Variants in DLGAP1 observed in about 807,000 individuals in gnomAD.
DLGAP1 encodes DLG associated protein 1.
A neutral mutation model predicts 90.8 loss-of-function variants in DLGAP1; 11 were observed. The ratio of observed to expected loss-of-function variants is 0.12; its 90% CI spans 0.08 to 0.20. DLGAP1 has a LOEUF of 0.20. DLGAP1 is among the 10% of genes least tolerant of loss of function. The pLI is 1.00. For missense variants in DLGAP1, 1,050 were observed against 1,333.8 expected, an observed-to-expected ratio of 0.79 and a Z score of 3.31; for synonymous variants, 558 against 540.7, an observed-to-expected ratio of 1.03 and a Z score of -0.44.
At chr18:4,267,183 A>AGTGTGT (rs146992333) in intron 1 of DLGAP1, among the ~76,000 whole-genome samples, 9 of 147,376 alleles carry the variant, frequency 6.1e-5, no homozygotes, top group African/African-American at 2.4e-4. Flanking sequence ...CACTGTAATG[A>AGTGTGT]GTGTGTGTGT....
At chr18:4,171,489 C>T (rs1200850604) in intron 1 of DLGAP1, among the ~76,000 whole-genome samples, 3 of 151,142 alleles carry the variant, frequency 2.0e-5, no homozygotes, top group Admixed American at 6.6e-5. Flanking sequence ...GGCGTGAACT[C>T]GGAAGGCGAA....
At chr18:3,820,508 G>A (rs2067350316) in intron 4 of DLGAP1, among the ~76,000 whole-genome samples, 1 of 152,198 alleles carries the variant, frequency 6.6e-6, no homozygotes, top group African/African-American at 2.4e-5. Flanking sequence ...GCTTCTATTT[G>A]CACAGTTACC....
At chr18:4,183,974 C>G (rs1433751264) in intron 1 of DLGAP1, among the ~76,000 whole-genome samples, 2 of 152,028 alleles carry the variant, frequency 1.3e-5, no homozygotes, top group African/African-American at 4.8e-5. Flanking sequence ...GTGCATAATG[C>G]CCACGCAGGA....
chr18:4,216,761 A>G (rs1323447554), intron 1 of DLGAP1, among the ~76,000 whole-genome samples: 1 of 152,052 alleles, frequency 6.6e-6, no homozygotes, highest in African/African-American at 2.4e-5. Flanking sequence ...TTACAGAAAA[A>G]CTGAATGAAA....
rs541004008 is a variant in DLGAP1 at position 3,772,711 on chromosome 18, G to T, written c.1173-30199C>A. On this transcript the variant is annotated intron_variant, in intron 5 of 12. Transcript: ENST00000315677. ...GCTCTAAGGGTGTTTTTAAAAACAG[G>T]CTATTCAAAATGTGGTTCTTGGACC... 9.2e-5 allele frequency among the ~76,000 whole-genome samples: 14 copies of T among 151,822 alleles called. No homozygotes were observed. The South Asian group carries it at 2.9e-3, about 32-fold the overall frequency.
chr18:4,036,960 C>A (rs112704488), intron 2 of DLGAP1, among the ~76,000 whole-genome samples: 3 of 152,182 alleles, frequency 2.0e-5, no homozygotes, highest in Non-Finnish European at 4.4e-5. Flanking sequence ...ACTGCTTTTG[C>A]CTGACAAAAT....
intron 2 of DLGAP1, among the ~76,000 whole-genome samples, chr18:4,019,270 C>T (rs2074570990): frequency 6.6e-6 from 1 of 151,998 alleles, no homozygotes; most frequent in African/African-American, 2.4e-5. Context: ...AAATTAGAAT[C>T]TATTTTATCC....
At chr18:3,594,157 G>T (rs920048136) in intron 7 of DLGAP1, 2 of 152,284 alleles carry the variant, frequency 1.3e-5, no homozygotes, top group East Asian at 3.9e-4. Context: ...AGTCAAAAGA[G>T]CTTGAAACCT....
intron 9 of DLGAP1, among the ~76,000 whole-genome samples, chr18:3,535,031 G>A (rs2052263239): frequency 6.6e-6 from 1 of 151,384 alleles, no homozygotes; most frequent in Non-Finnish European, 1.5e-5. Flanking sequence ...TACTTTACTT[G>A]GCAGGTGTGA....
chr18:3,692,937 G>A (rs377569905), intron 7 of DLGAP1, among the ~76,000 whole-genome samples: 5 of 152,174 alleles, frequency 3.3e-5, no homozygotes, highest in Admixed American at 2.0e-4. Flanking sequence ...TGCTCATGCC[G>A]ATGAAAGCCA....
At chr18:3,988,090 T>G (rs1472389681) in intron 3 of DLGAP1, among the ~76,000 whole-genome samples, 2 of 152,106 alleles carry the variant, frequency 1.3e-5, no homozygotes, top group Middle Eastern at 3.2e-3. Flanking sequence ...GAGTTTGTTT[T>G]CCTGCAACTA....
In DLGAP1 at chr18:4,008,064, C is replaced by T. The variant is rs373497013; in HGVS notation, c.-158-2863G>A. Among the ~76,000 whole-genome samples, 47 of 152,210 alleles carry T rather than the reference C, an allele frequency of 3.1e-4. 3 individuals carry two copies. The South Asian group carries it at 4.0e-3, about 13-fold the overall frequency. Reference sequence around the variant, plus strand: ...ACTAACAAATCCTGCTGGGCTGTTTCCTCTGTCTGGACTCCTCACCCACTG... The same window carrying T: ...ACTAACAAATCCTGCTGGGCTGTTTTCTCTGTCTGGACTCCTCACCCACTG... On this transcript the variant is annotated intron_variant, in intron 2 of 12. Coordinates refer to ENST00000315677, the MANE Select transcript of DLGAP1 (RefSeq NM_004746.4).
intron 3 of DLGAP1, among the ~76,000 whole-genome samples, chr18:3,921,407 C>G (rs1398547795): frequency 6.6e-6 from 1 of 152,110 alleles, no homozygotes; most frequent in African/African-American, 2.4e-5. Flanking sequence ...AGTATCTACA[C>G]TAGTTAGAAA....
intron 1 of DLGAP1, among the ~76,000 whole-genome samples, chr18:4,292,378 C>T (rs995758330): frequency 6.6e-6 from 1 of 151,852 alleles, no homozygotes; most frequent in Non-Finnish European, 1.5e-5. Context: ...GCCACAGCTA[C>T]CAAGTTTTTT....
At chr18:3,575,107 C>G (rs2055046184) in intron 8 of DLGAP1, among the ~76,000 whole-genome samples, 1 of 152,204 alleles carries the variant, frequency 6.6e-6, no homozygotes, top group Non-Finnish European at 1.5e-5. Context: ...AGCCACCATG[C>G]ATGGGCCTTT....
intron 1 of DLGAP1, among the ~76,000 whole-genome samples, chr18:4,344,254 C>A (rs2081261792): frequency 6.6e-6 from 1 of 152,096 alleles, no homozygotes. Context: ...TTAATCTCCA[C>A]AATGATTCTG....
chr18:4,059,713 A>AAAATAAAT (rs61167816), intron 2 of DLGAP1, among the ~76,000 whole-genome samples: 12,287 of 150,462 alleles, frequency 0.082, 621 homozygotes, highest in East Asian at 0.17. Flanking sequence ...CTCCATCTCA[A>AAAATAAAT]AAATAAATAA....
At chr18:3,877,701 C>CATGCTAGAACTGGGTTCTAGT (rs2071038754) in intron 4 of DLGAP1, among the ~76,000 whole-genome samples, 2 of 152,226 alleles carry the variant, frequency 1.3e-5, no homozygotes, top group South Asian at 4.1e-4. Context: ...TCTAGTCCCA[C>CATGCTAGAACTGGGTTCTAGT]CTCTGCCACA....
chr18:4,442,165 A>T (rs773878973), intron 1 of DLGAP1, among the ~76,000 whole-genome samples: 2 of 152,044 alleles, frequency 1.3e-5, no homozygotes, highest in Admixed American at 6.5e-5. Context: ...ATATTTTTTT[A>T]TTATTATTAT....
Sources: allele counts gnomAD v4.1 joint callset (sites outside exome capture counted in the v4.1 genomes callset), GRCh38; gene constraint gnomAD v4.1.1; transcripts MANE v1.5; gene names NCBI Gene and HGNC (gene_info 2026-07-23, HGNC 2026-07-21).